The following CLYBL variants were observed in gnomAD, a reference collection of about 807,000 sequenced individuals.
CLYBL encodes the protein citramalyl-CoA lyase, also known as citramalyl-CoA lyase, mitochondrial.
CLYBL carries 31 observed loss-of-function variants against 38.9 expected under a neutral mutation model. The ratio of observed to expected loss-of-function variants is 0.80; its 90% CI spans 0.60 to 1.08. The LOEUF is 1.08. CLYBL is among the 50% of genes least tolerant of loss of function. The pLI, the probability that CLYBL is intolerant of heterozygous loss-of-function variation, is 0.00. For synonymous variants in CLYBL, 171 were observed against 158.6 expected (o/e 1.08, Z -0.59); for missense variants, 434 against 411.6 (o/e 1.05, Z -0.47).
chr13:99,781,391 C>G (rs1158893689), intron 2 of CLYBL, among the ~76,000 whole-genome samples: 1 of 151,472 alleles, frequency 6.6e-6, no homozygotes, highest in Admixed American at 6.6e-5. Context: ...AGGATGGTCT[C>G]AATCTCCTGA....
At chr13:99,858,771 T>G in intron 2 of CLYBL, 90 bp from the exon 3 acceptor site, 1 of 862,144 alleles carries the variant, frequency 1.2e-6, no homozygotes, top group Non-Finnish European at 1.8e-6. Flanking sequence ...GTGCTCAGAC[T>G]CTGAATCCAC....
chr13:99,787,972 G>C (rs2049833946), intron 2 of CLYBL, among the ~76,000 whole-genome samples: 2 of 152,184 alleles, frequency 1.3e-5, no homozygotes, highest in African/African-American at 4.8e-5. Context: ...TTGTGAATGA[G>C]AGTTCACTCA....
chr13:99,904,317 C>T (rs993490963), intron 8 of CLYBL, among the ~76,000 whole-genome samples: 1 of 152,118 alleles, frequency 6.6e-6, no homozygotes. Flanking sequence ...AAATGTGGCC[C>T]CTTCCATTTG....
At chr13:99,801,071 C>G (rs1594191217) in intron 2 of CLYBL, among the ~76,000 whole-genome samples, 1 of 152,100 alleles carries the variant, frequency 6.6e-6, no homozygotes, top group Admixed American at 6.6e-5. Flanking sequence ...GAAGGGGAAG[C>G]TGAGGCTTAA....
At chr13:99,878,756 C>T (rs777942568) in intron 7 of CLYBL, among the ~76,000 whole-genome samples, 1 of 152,172 alleles carries the variant, frequency 6.6e-6, no homozygotes, top group Non-Finnish European at 1.5e-5. Flanking sequence ...ATTGTCTTCA[C>T]CTCAATACAT....
At chr13:99,900,760 C>G (rs996718590), downstream of CLYBL, among the ~76,000 whole-genome samples, 10 of 152,200 alleles carry the variant, frequency 6.6e-5, no homozygotes, top group African/African-American at 2.4e-4. Context: ...GCAGGGTGAG[C>G]AAGCTCCAAA....
rs778861747 is a variant in CLYBL, at chr13:99,864,916, C to G, written c.634+5C>G. 5 of 1,582,698 alleles carry G rather than the reference C, an allele frequency of 3.2e-6. No individual in the cohort carries two copies. The East Asian group carries it at 6.7e-5, about 21-fold the overall frequency. ...AAGACTTTCGAGCCAGCATAGGTGTCAAAGACATCTCTCTCTCTCTTTTTC... is the reference window on the plus strand; with the variant it reads ...AAGACTTTCGAGCCAGCATAGGTGTGAAAGACATCTCTCTCTCTCTTTTTC... On this transcript the variant is annotated splice_donor_5th_base_variant and intron_variant, in intron 5 of 8. Transcript: ENST00000339105.
intron 1 of CLYBL, among the ~76,000 whole-genome samples, chr13:99,749,294 C>T (rs1174430247): frequency 1.3e-5 from 2 of 152,196 alleles, no homozygotes; most frequent in African/African-American, 4.8e-5. Context: ...TGCAGTGAGA[C>T]AGTATAACGC....
At chr13:99,814,142 A>G (rs1256004167) in intron 2 of CLYBL, among the ~76,000 whole-genome samples, 1 of 152,206 alleles carries the variant, frequency 6.6e-6, no homozygotes, top group East Asian at 1.9e-4. Flanking sequence ...AAGTTTTTCT[A>G]TACAAATTAT....
At chr13:99,866,634 T>C (rs973454757) in intron 6 of CLYBL, among the ~76,000 whole-genome samples, 1 of 120,962 alleles carries the variant, frequency 8.3e-6, no homozygotes, top group Admixed American at 9.0e-5. Flanking sequence ...TTTATATTAG[T>C]TGCTTTTTTT....
chr13:99,769,415 CT>C (rs2049335867), intron 1 of CLYBL, among the ~76,000 whole-genome samples: 1 of 152,136 alleles, frequency 6.6e-6, no homozygotes, highest in Non-Finnish European at 1.5e-5. Context: ...CATCTTCCCC[CT>C]CTCTTAGATT....
Position 99,840,750 on chromosome 13 carries a change from C to CAAAA in CLYBL, c.250-18084_250-18081dup, listed in dbSNP as rs59274056. Reference sequence around the variant, plus strand: ...GGGTGACAGAGTGAGACCCTTGTCTCAAAAAAAAAAAAAAAAAAAAAAAAA... The same window carrying CAAAA: ...GGGTGACAGAGTGAGACCCTTGTCTCAAAAAAAAAAAAAAAAAAAAAAAAAAAAA... On this transcript the variant is annotated intron_variant, in intron 2 of 8. Coordinates refer to ENST00000339105, the MANE Select transcript of CLYBL (RefSeq NM_206808.5). 2.4e-3 allele frequency among the ~76,000 whole-genome samples: 40 copies of CAAAA among 16,802 alleles called. 1 individual carries two copies. Among genetic ancestry groups the CAAAA allele is most frequent in the African/African-American group, 8.7e-3 (37 of 4,272 alleles). 11.0% of individuals were successfully genotyped at this position (16,802 alleles called of 152,430 possible).
intron 1 of CLYBL, among the ~76,000 whole-genome samples, chr13:99,750,621 C>G (rs1200121428): frequency 6.6e-6 from 1 of 151,120 alleles, no homozygotes; most frequent in African/African-American, 2.4e-5. Flanking sequence ...TTGTGGTGAG[C>G]CGAGATCGTG....
chr13:99,711,471 G>A (rs1451203453), intron 1 of CLYBL, among the ~76,000 whole-genome samples: 14 of 143,028 alleles, frequency 9.8e-5, no homozygotes, highest in Non-Finnish European at 2.0e-4. Context: ...GTGCAATGGC[G>A]CAATCTCGGC....
chr13:99,845,990 A>AT (rs1483057735), intron 2 of CLYBL, among the ~76,000 whole-genome samples: 1 of 151,100 alleles, frequency 6.6e-6, no homozygotes, highest in African/African-American at 2.4e-5. Flanking sequence ...AAACAAAGCC[A>AT]TTTTTCAGTT....
chr13:99,767,275 G>T (rs2049287467), intron 1 of CLYBL, among the ~76,000 whole-genome samples: 1 of 152,098 alleles, frequency 6.6e-6, no homozygotes, highest in Admixed American at 6.5e-5. Flanking sequence ...TGAGTTCTGA[G>T]GTCCTTCTGG....
At chr13:99,838,831 G>A (rs1447870528) in intron 2 of CLYBL, among the ~76,000 whole-genome samples, 1 of 152,026 alleles carries the variant, frequency 6.6e-6, no homozygotes, top group Non-Finnish European at 1.5e-5. Flanking sequence ...AGTAGAGACA[G>A]GGTTTCACTG....
At chr13:99,653,817 G>A (rs1335945399) in intron 1 of CLYBL, among the ~76,000 whole-genome samples, 1 of 152,180 alleles carries the variant, frequency 6.6e-6, no homozygotes, top group East Asian at 1.9e-4. Flanking sequence ...AGGGTGATAT[G>A]CTGGGTATGA....
chr13:99,759,925 C>G (rs1402215005), intron 1 of CLYBL, among the ~76,000 whole-genome samples: 1 of 152,132 alleles, frequency 6.6e-6, no homozygotes, highest in East Asian at 1.9e-4. Flanking sequence ...ACTATTTTTG[C>G]TGTTTGAGAC....
Sources: allele counts gnomAD v4.1 joint callset (sites outside exome capture counted in the v4.1 genomes callset), GRCh38; gene constraint gnomAD v4.1.1; transcripts MANE v1.5; gene names NCBI Gene and HGNC (gene_info 2026-07-23, HGNC 2026-07-21).